The following UCHL3 variants were observed in gnomAD, a reference collection of about 807,000 sequenced individuals.
UCHL3 encodes the protein ubiquitin carboxyl-terminal hydrolase isozyme L3.
In UCHL3, 22 loss-of-function variants were observed where a neutral mutation model predicts 35.8. The ratio of observed to expected loss-of-function variants is 0.61; its 90% CI spans 0.44 to 0.88. The LOEUF (loss-of-function observed/expected upper bound fraction) is 0.88. UCHL3 is among the 40% of genes least tolerant of loss of function. UCHL3 has a pLI of 0.00. For missense variants in UCHL3, 229 were observed against 276.9 expected, an observed-to-expected ratio of 0.83 and a Z score of 1.23; for synonymous variants, 90 against 92.8, an observed-to-expected ratio of 0.97 and a Z score of 0.17.
intron 3 of UCHL3, among the ~76,000 whole-genome samples, chr13:75,562,541 A>C (rs2031551499): frequency 6.6e-6 from 1 of 152,164 alleles, no homozygotes; most frequent in Non-Finnish European, 1.5e-5. Flanking sequence ...AATTGAAAAA[A>C]AAATCAGTTG....
At chr13:75,557,175 C>CA (rs1401529896) in intron 2 of UCHL3, among the ~76,000 whole-genome samples, 1 of 151,588 alleles carries the variant, frequency 6.6e-6, no homozygotes, top group Non-Finnish European at 1.5e-5. Context: ...TGATTGTTGT[C>CA]ACTGCACTCC....
intron 8 of UCHL3, 133 bp from the exon 9 acceptor site, chr13:75,605,596 T>A (rs1231676088): frequency 1.2e-6 from 1 of 830,288 alleles, no homozygotes; most frequent in African/African-American, 1.7e-5. Flanking sequence ...TTTTCTGGTG[T>A]TCTTTATTTC....
chr13:75,565,897 G>A (rs2031668019), intron 3 of UCHL3, among the ~76,000 whole-genome samples: 1 of 152,162 alleles, frequency 6.6e-6, no homozygotes, highest in Non-Finnish European at 1.5e-5. Flanking sequence ...TAACAGCTGA[G>A]CCAGGACGTG....
chr13:75,574,707 G>A (rs1339056204), intron 6 of UCHL3, among the ~76,000 whole-genome samples: 1 of 152,212 alleles, frequency 6.6e-6, no homozygotes, highest in East Asian at 1.9e-4. Flanking sequence ...TAGGCATCCA[G>A]TAAAATGAAT....
At chr13:75,566,214 G>T (rs897939279) in intron 3 of UCHL3, among the ~76,000 whole-genome samples, 1 of 152,050 alleles carries the variant, frequency 6.6e-6, no homozygotes, top group Non-Finnish European at 1.5e-5. Flanking sequence ...AACATAAATG[G>T]GAATTGTTAT....
intron 6 of UCHL3, among the ~76,000 whole-genome samples, chr13:75,588,399 T>C (rs2032386699): frequency 6.6e-6 from 1 of 152,164 alleles, no homozygotes; most frequent in Non-Finnish European, 1.5e-5. Flanking sequence ...TCCCCTATTC[T>C]TTCCTTCTCT....
Position 75,578,129 on chromosome 13 carries a change from C to T in UCHL3, c.474+8622C>T, listed in dbSNP as rs147984413. 8.3e-3 allele frequency among the ~76,000 whole-genome samples: 1,257 copies of T among 151,870 alleles called. 34 individuals are homozygous for T. Among genetic ancestry groups the T allele is most frequent in the East Asian group, 0.027 (137 of 5,164 alleles). The stretch of plus-strand genomic sequence containing the variant: ...CATTTTAAGAACAGTTGAGATCAAG[C>T]GATTTTATTTGACTTTTTTCTTAAC... On this transcript the variant is annotated intron_variant, in intron 6 of 8. Transcript: ENST00000377595.
intron 3 of UCHL3, among the ~76,000 whole-genome samples, chr13:75,561,281 A>G (rs769551976): frequency 6.6e-6 from 1 of 152,200 alleles, no homozygotes; most frequent in Non-Finnish European, 1.5e-5. Flanking sequence ...TGATAAATAC[A>G]ATCTTTAAGA....
intron 6 of UCHL3, 114 bp from the exon 7 acceptor site, chr13:75,594,801 A>G: frequency 1.3e-6 from 1 of 794,294 alleles, no homozygotes; most frequent in Non-Finnish European, 2.0e-6. Context: ...CTTGAATTAT[A>G]TTGGATAAAT....
At chr13:75,581,326 A>G (rs1013169669) in intron 6 of UCHL3, among the ~76,000 whole-genome samples, 6 of 149,268 alleles carry the variant, frequency 4.0e-5, no homozygotes, top group African/African-American at 1.2e-4. Context: ...TGGAGTACCC[A>G]CCAAACTAAA....
chr13:75,566,845 C>A lies in UCHL3; in HGVS notation c.334C>A (p.His112Asn). 2 of 1,588,294 alleles carry A rather than the reference C, an allele frequency of 1.3e-6. No homozygotes were observed. Among genetic ancestry groups the A allele is most frequent in the Non-Finnish European group, 1.7e-6 (2 of 1,170,976 alleles). Residue 112 changes from histidine (H) to asparagine (N), a missense_variant, in exon 4 of 9, where the codon CAC becomes AAC. By Grantham distance (68) the His-to-Asn change is moderately conservative (BLOSUM62 1). Transcript: ENST00000377595. ...TATTGCAAACAATAAAGACAAGATGCACTTTGGTAAATGATTTTTCATTAC... is the reference window on the plus strand; with the variant it reads ...TATTGCAAACAATAAAGACAAGATGAACTTTGGTAAATGATTTTTCATTAC... ...HAIANNKDKM[H>N]FESGSTLKKF...
rs1342500673 is a variant in UCHL3 at position 75,599,999 on chromosome 13, G to T, written c.551-4770G>T. 3.3e-5 allele frequency among the ~76,000 whole-genome samples: 5 copies of T among 152,338 alleles called. No homozygotes were observed. The East Asian group carries it at 9.6e-4, about 29-fold the overall frequency. On this transcript the variant is annotated intron_variant, in intron 7 of 8. Transcript: ENST00000377595. Reference sequence around the variant, plus strand: ...CAGTGAACACATGAATGACGAGAAAGCAAAACAGTATTATTGCTGATATGG... The same window carrying T: ...CAGTGAACACATGAATGACGAGAAATCAAAACAGTATTATTGCTGATATGG...
chr13:75,577,952 A>G (rs1326825700), intron 6 of UCHL3, among the ~76,000 whole-genome samples: 1 of 151,936 alleles, frequency 6.6e-6, no homozygotes, highest in Non-Finnish European at 1.5e-5. Flanking sequence ...AGTTTGTTGT[A>G]CTGCCCAGAA....
rs74742033 is a variant in UCHL3 at position 75,576,828 on chromosome 13, G to A, written c.474+7321G>A. On this transcript the variant is annotated intron_variant, in intron 6 of 8. Coordinates refer to ENST00000377595, the MANE Select transcript of UCHL3 (RefSeq NM_006002.5). ...GGTTGAATGTTCTACTAGAAAAATA[G>A]TTACTGATTTTAAAATTAATATAAC... Among the ~76,000 whole-genome samples, 459 of 152,278 alleles carry A rather than the reference G, an allele frequency of 3.0e-3. 1 individual carries two copies. Among genetic ancestry groups the A allele is most frequent in the African/African-American group, 0.01 (436 of 41,552 alleles).
intron 6 of UCHL3, among the ~76,000 whole-genome samples, chr13:75,587,060 A>G (rs971670263): frequency 1.2e-4 from 18 of 151,702 alleles, no homozygotes; most frequent in African/African-American, 3.6e-4. Context: ...CAAAATGCAT[A>G]AAAGGTAGAA....
chr13:75,596,263 C>T (rs551120531), intron 7 of UCHL3, among the ~76,000 whole-genome samples: 10 of 152,242 alleles, frequency 6.6e-5, no homozygotes, highest in Admixed American at 5.2e-4. Context: ...CAACCCTGAG[C>T]GTTGTCTACA....
At chr13:75,588,655 G>A (rs2032394841) in intron 6 of UCHL3, among the ~76,000 whole-genome samples, 1 of 152,056 alleles carries the variant, frequency 6.6e-6, no homozygotes, top group Non-Finnish European at 1.5e-5. Flanking sequence ...TAGATTGAAG[G>A]TACTAAGTAG....
At chr13:75,552,060 T>C (rs1015190578) in intron 2 of UCHL3, among the ~76,000 whole-genome samples, 2 of 152,208 alleles carry the variant, frequency 1.3e-5, no homozygotes, top group East Asian at 3.8e-4. Flanking sequence ...TCTGAGATGA[T>C]ATAAACAGAC....
At position 75,567,267 on chromosome 13, in the gene UCHL3, G is replaced by A. The variant is rs779548682; in HGVS notation, c.381G>A (p.Val127=). The part of the protein sequence containing the change: ...STLKKFLEES[V]SMSPEERARY... The stretch of plus-strand genomic sequence containing the variant: ...TGAAAAAATTCCTGGAGGAATCTGT[G>A]TCAATGAGCCCTGAAGAACGAGCCA... Residue 127 remains valine (V), a synonymous_variant, in exon 5 of 9, where the codon GTG becomes GTA. Coordinates refer to ENST00000377595, the MANE Select transcript of UCHL3 (RefSeq NM_006002.5). 6.2e-7 allele frequency: 1 copy of A among 1,614,070 alleles called. No homozygotes were observed.
Sources: allele counts gnomAD v4.1 joint callset (sites outside exome capture counted in the v4.1 genomes callset), GRCh38; gene constraint gnomAD v4.1.1; transcripts MANE v1.5; gene names NCBI Gene and HGNC (gene_info 2026-07-23, HGNC 2026-07-21).